EVA1C: variants seen among roughly 807,000 people sequenced by gnomAD.
EVA1C encodes eva-1 homolog C.
EVA1C carries 25 observed loss-of-function variants against 45.4 expected under a neutral mutation model. The ratio of observed to expected loss-of-function variants is 0.55; its 90% CI spans 0.40 to 0.77. EVA1C has a LOEUF of 0.77. Ranked by LOEUF, EVA1C falls within the 30% of genes least tolerant of loss-of-function variation. The probability of loss-of-function intolerance (pLI) is 0.00; values close to 1 mark genes in which losing one functional copy is unlikely to be tolerated. For missense variants in EVA1C, 479 were observed against 554.8 expected (o/e 0.86, Z 1.37); for synonymous variants, 190 against 221.2 (o/e 0.86, Z 1.25).
intron 1 of EVA1C, among the ~76,000 whole-genome samples, chr21:32,442,339 C>T (rs371260004): frequency 1.3e-5 from 2 of 152,126 alleles, no homozygotes; most frequent in African/African-American, 4.8e-5. Context: ...CTTAGTCTCA[C>T]ACCTGGGACT....
chr21:32,449,422 A>G (rs981155273), intron 1 of EVA1C, among the ~76,000 whole-genome samples: 1 of 152,166 alleles, frequency 6.6e-6, no homozygotes, highest in Non-Finnish European at 1.5e-5. Context: ...CGCTGTCTCC[A>G]TAGTTGTGGT....
At chr21:32,443,540 AAAAC>A (rs2035257573) in intron 1 of EVA1C, among the ~76,000 whole-genome samples, 2 of 152,288 alleles carry the variant, frequency 1.3e-5, no homozygotes, top group South Asian at 4.1e-4. Flanking sequence ...TCCATCTCAA[AAAAC>A]AAACAAATAA....
rs545456810 is a variant in EVA1C, at chr21:32,507,535, TG to T, written c.949+3521del. 7.5e-3 allele frequency among the ~76,000 whole-genome samples: 973 copies of T among 129,296 alleles called. 9 individuals are homozygous for T. Among genetic ancestry groups the T allele is most frequent in the African/African-American group, 0.033 (937 of 28,792 alleles). 84.8% of individuals were successfully genotyped at this position (129,296 alleles called of 152,430 possible). A position where few individuals can be genotyped will look rare whatever the true frequency, so the allele number is the denominator to read the frequency against. On this transcript the variant is annotated intron_variant, in intron 7 of 7. Coordinates refer to ENST00000300255, the MANE Select transcript of EVA1C (RefSeq NM_058187.5). ...GTGTGCATGTGTCTCTGTGTGTGCA[TG>T]TGTGCGTCTGTATGTATGCGTGTTT...
chr21:32,493,593 G>C (rs958342), intron 4 of EVA1C: 62,895 of 151,796 alleles, frequency 0.41, 13,424 homozygotes, highest in East Asian at 0.56. Flanking sequence ...CTGCTCCCAC[G>C]CACAGCGATC....
At chr21:32,429,019 T>G (rs1295166004) in intron 1 of EVA1C, among the ~76,000 whole-genome samples, 1 of 146,166 alleles carries the variant, frequency 6.8e-6, no homozygotes, top group Non-Finnish European at 1.5e-5. Flanking sequence ...TATTTTTATT[T>G]ATTTATTTAT....
intron 3 of EVA1C, 69 bp from the exon 4 acceptor site, chr21:32,467,627 C>G: frequency 6.7e-7 from 1 of 1,491,612 alleles, no homozygotes; most frequent in Non-Finnish European, 9.0e-7. Context: ...AGCAATGGGA[C>G]TTGGACAGAG....
intron 1 of EVA1C, among the ~76,000 whole-genome samples, chr21:32,414,785 G>T (rs2146088149): frequency 6.6e-6 from 1 of 152,256 alleles, no homozygotes; most frequent in East Asian, 1.9e-4. Context: ...AGTAGGTGGT[G>T]ATATTGCCAC....
chr21:32,473,526 T>G (rs1045696963), intron 4 of EVA1C, among the ~76,000 whole-genome samples: 1 of 152,184 alleles, frequency 6.6e-6, no homozygotes, highest in South Asian at 2.1e-4. Context: ...TTCAGTCCCA[T>G]GGGCAGAGCA....
chr21:32,451,992 G>T (rs2035595850), intron 1 of EVA1C, among the ~76,000 whole-genome samples: 1 of 152,176 alleles, frequency 6.6e-6, no homozygotes, highest in Admixed American at 6.5e-5. Flanking sequence ...CCTTGGAGCA[G>T]GCCCCTTCTC....
At chr21:32,476,872 G>A (rs887750684) in intron 4 of EVA1C, among the ~76,000 whole-genome samples, 3 of 152,112 alleles carry the variant, frequency 2.0e-5, no homozygotes, top group Non-Finnish European at 2.9e-5. Flanking sequence ...AAGCCTCCGA[G>A]CTCTGGGTGC....
chr21:32,424,900 A>G (rs1439984177), intron 1 of EVA1C, among the ~76,000 whole-genome samples: 1 of 152,152 alleles, frequency 6.6e-6, no homozygotes, highest in Non-Finnish European at 1.5e-5. Context: ...TCTGTTACCC[A>G]GGCTGGAGTG....
chr21:32,448,263 A>G (rs754156361), intron 1 of EVA1C, among the ~76,000 whole-genome samples: 6 of 152,152 alleles, frequency 3.9e-5, no homozygotes, highest in Non-Finnish European at 7.3e-5. Context: ...CTGGCTACAG[A>G]AGGCATTCCG....
At chr21:32,509,777 G>C (rs1358879624) in intron 7 of EVA1C, among the ~76,000 whole-genome samples, 1 of 151,636 alleles carries the variant, frequency 6.6e-6, no homozygotes, top group South Asian at 2.1e-4. Context: ...GGCTAAGGCA[G>C]GGGGAGGTAT....
intron 5 of EVA1C, chr21:32,496,881 T>G: frequency 9.4e-7 from 1 of 1,069,112 alleles, no homozygotes. Context: ...TATTCAGAGT[T>G]GATGTTGGAG....
At chr21:32,451,043 T>G (rs548716890) in intron 1 of EVA1C, among the ~76,000 whole-genome samples, 20 of 152,236 alleles carry the variant, frequency 1.3e-4, no homozygotes, top group African/African-American at 3.9e-4. Flanking sequence ...GTAGCCTTCC[T>G]CTAGAGAGCA....
At chr21:32,467,910 ATATATATATATCC>A in intron 4 of EVA1C, 62 bp downstream of exon 4, 8 of 1,041,596 alleles carry the variant, frequency 7.7e-6, no homozygotes, top group African/African-American at 1.7e-5. Context: ...AATAGAATAT[ATATATATATATCC>A]TATATATATC....
At chr21:32,448,072 A>G (rs1425399586) in intron 1 of EVA1C, among the ~76,000 whole-genome samples, 5 of 152,096 alleles carry the variant, frequency 3.3e-5, no homozygotes, top group Non-Finnish European at 5.9e-5. Context: ...TATGGTTTCA[A>G]AATGGTTCTT....
intron 4 of EVA1C, among the ~76,000 whole-genome samples, chr21:32,479,050 T>G (rs765440587): frequency 6.6e-6 from 1 of 152,236 alleles, no homozygotes; most frequent in Non-Finnish European, 1.5e-5. Flanking sequence ...TGTTAAGTAA[T>G]AGCCAAAAAG....
chr21:32,476,776 C>T (rs371609356), intron 4 of EVA1C, among the ~76,000 whole-genome samples: 30 of 152,304 alleles, frequency 2.0e-4, no homozygotes, highest in African/African-American at 7.2e-4. Flanking sequence ...GGCCTGGCTG[C>T]CAGTACTCCC....
Sources: gnomAD v4.1 joint callset for allele counts (sites outside exome capture counted in the v4.1 genomes callset) on GRCh38, gnomAD v4.1.1 for gene constraint, MANE v1.5 for transcripts, NCBI Gene and HGNC (gene_info 2026-07-23, HGNC 2026-07-21) for gene names.